Variants in CRPPA observed in about 807,000 individuals in gnomAD.
The protein encoded by CRPPA is D-ribitol-5-phosphate cytidylyltransferase.
A neutral mutation model predicts 52.0 loss-of-function variants in CRPPA; 43 were observed. That is an observed-to-expected ratio of 0.83 (90% CI 0.65 to 1.07). The LOEUF (loss-of-function observed/expected upper bound fraction) is 1.07. Ranked by LOEUF, CRPPA falls within the 50% of genes least tolerant of loss-of-function variation. The pLI, the probability that CRPPA is intolerant of heterozygous loss-of-function variation, is 0.00. For synonymous variants in CRPPA, 250 were observed against 203.5 expected (o/e 1.23, Z -1.94); for missense variants, 629 against 551.7 (o/e 1.14, Z -1.40).
chr7:16,173,318 T>G (rs1239790016), intron 9 of CRPPA, among the ~76,000 whole-genome samples: 1 of 152,174 alleles, frequency 6.6e-6, no homozygotes, highest in East Asian at 1.9e-4. Context: ...GTTTTATGTT[T>G]GAGACCTAAA....
intron 3 of CRPPA, among the ~76,000 whole-genome samples, chr7:16,344,202 T>C (rs1433299434): frequency 6.6e-6 from 1 of 151,986 alleles, no homozygotes; most frequent in Non-Finnish European, 1.5e-5. Context: ...CAGAAACATA[T>C]TGCCAATATA....
intron 3 of CRPPA, among the ~76,000 whole-genome samples, chr7:16,351,476 C>G (rs1562648067): frequency 6.6e-6 from 1 of 152,006 alleles, no homozygotes; most frequent in African/African-American, 2.4e-5. Flanking sequence ...AACAGGCAAC[C>G]TACAGAATGG....
chr7:16,386,862 A>G (rs1435528167), intron 2 of CRPPA, among the ~76,000 whole-genome samples: 2 of 151,752 alleles, frequency 1.3e-5, no homozygotes, highest in Non-Finnish European at 1.5e-5. Flanking sequence ...TCTACTAAAA[A>G]TATAAAAATT....
intron 3 of CRPPA, among the ~76,000 whole-genome samples, chr7:16,350,483 A>G (rs1786120121): frequency 6.6e-6 from 1 of 152,182 alleles, no homozygotes; most frequent in Non-Finnish European, 1.5e-5. Context: ...GACATCAAAA[A>G]CATAAAACAT....
At chr7:16,204,675 C>T (rs1781929661) in intron 9 of CRPPA, among the ~76,000 whole-genome samples, 1 of 152,032 alleles carries the variant, frequency 6.6e-6, no homozygotes, top group Non-Finnish European at 1.5e-5. Context: ...ATTTAGCCAC[C>T]ATACCTAAGT....
At chr7:16,216,858 C>A (rs377288742) in intron 8 of CRPPA, among the ~76,000 whole-genome samples, 2 of 151,362 alleles carry the variant, frequency 1.3e-5, no homozygotes, top group Non-Finnish European at 2.9e-5. Context: ...GCAGCGAGGC[C>A]GGGGGAGGGG....
chr7:16,190,743 C>T (rs10227938), intron 9 of CRPPA, among the ~76,000 whole-genome samples: 4,345 of 152,112 alleles, frequency 0.029, 208 homozygotes, highest in African/African-American at 0.099. Flanking sequence ...GCATCCAATG[C>T]GTAGTCTTTT....
intron 9 of CRPPA, among the ~76,000 whole-genome samples, chr7:16,139,758 C>T (rs1416951964): frequency 1.3e-5 from 2 of 152,104 alleles, no homozygotes; most frequent in African/African-American, 4.8e-5. Flanking sequence ...AAATGTGTCT[C>T]TTGAATTACC....
chr7:16,142,851 A>G lies in CRPPA; in HGVS notation c.1252-51052T>C, dbSNP rs572806391. Among the ~76,000 whole-genome samples the G allele has an allele frequency of 2.5e-4, 38 of 152,344 alleles. No individual in the cohort carries two copies. In the South Asian group the frequency reaches 7.9e-3, roughly 32 times the overall value. The stretch of plus-strand genomic sequence containing the variant: ...AATGAATCTCAATGCTAGTTCACCT[A>G]TAACTTACTTTCTTCATGTCCAAAT... On this transcript the variant is annotated intron_variant, in intron 9 of 9. Coordinates refer to ENST00000407010, the MANE Select transcript of CRPPA (RefSeq NM_001101426.4).
intron 1 of CRPPA, among the ~76,000 whole-genome samples, chr7:16,413,461 AC>A (rs1788118375): frequency 6.6e-6 from 1 of 152,218 alleles, no homozygotes; most frequent in African/African-American, 2.4e-5. Flanking sequence ...ATCTAACCAC[AC>A]AACTAAAAGC....
intron 8 of CRPPA, among the ~76,000 whole-genome samples, chr7:16,245,584 C>G (rs1158369088): frequency 6.6e-6 from 1 of 152,146 alleles, no homozygotes. Flanking sequence ...GATACAGATT[C>G]TAGACATAAT....
chr7:16,091,517 C>G lies in CRPPA; in HGVS notation c.*178G>C, dbSNP rs934109160. 1.6e-5 allele frequency: 8 copies of G among 488,760 alleles called. No homozygotes were observed. In the African/African-American group the frequency reaches 1.6e-4, roughly 10 times the overall value. The allele number at this position is 488,760 out of a possible 1,614,324, so 30.3% of individuals were successfully genotyped here. On this transcript the variant is annotated 3_prime_UTR_variant, in exon 10 of 10. Coordinates refer to ENST00000407010, the MANE Select transcript of CRPPA (RefSeq NM_001101426.4). Reference sequence around the variant, plus strand: ...AATATTTGTCATACACAAAAGTATTCTTTATTTCACAGATATAAACATTAA... The same window carrying G: ...AATATTTGTCATACACAAAAGTATTGTTTATTTCACAGATATAAACATTAA...
chr7:16,156,578 G>A (rs1013893986), intron 9 of CRPPA, among the ~76,000 whole-genome samples: 2 of 152,068 alleles, frequency 1.3e-5, no homozygotes, highest in African/African-American at 4.8e-5. Flanking sequence ...CAGAAGATCA[G>A]AGAAAAACTA....
intron 1 of CRPPA, among the ~76,000 whole-genome samples, chr7:16,419,979 T>C (rs1346521887): frequency 1.3e-5 from 2 of 152,202 alleles, no homozygotes; most frequent in Non-Finnish European, 2.9e-5. Flanking sequence ...TTCCCCTGTC[T>C]TGATAAATCC....
intron 3 of CRPPA, among the ~76,000 whole-genome samples, chr7:16,359,129 T>A (rs1786378416): frequency 6.6e-6 from 1 of 152,140 alleles, no homozygotes; most frequent in Non-Finnish European, 1.5e-5. Flanking sequence ...GTTTTTGGTT[T>A]GTGTTTTTTT....
chr7:16,114,640 G>A lies in CRPPA; in HGVS notation c.1252-22841C>T, dbSNP rs189441680. ...GCTTGATTTGGCAGACTTCTCCTGG[G>A]GAAAACACACACACACAACAAGGGA... On this transcript the variant is annotated intron_variant, in intron 9 of 9. Transcript: ENST00000407010. Among the ~76,000 whole-genome samples, 432 of 151,426 alleles carry A rather than the reference G, an allele frequency of 2.9e-3. 3 individuals carry two copies. Among genetic ancestry groups the A allele is most frequent in the Non-Finnish European group, 3.4e-3 (230 of 67,740 alleles).
chr7:16,257,372 G>A (rs550712145), intron 8 of CRPPA, among the ~76,000 whole-genome samples: 1 of 151,936 alleles, frequency 6.6e-6, no homozygotes, highest in Non-Finnish European at 1.5e-5. Context: ...TTCCAACATT[G>A]GATATATTCC....
intron 9 of CRPPA, among the ~76,000 whole-genome samples, chr7:16,209,595 T>C (rs1782076891): frequency 6.6e-6 from 1 of 152,122 alleles, no homozygotes; most frequent in African/African-American, 2.4e-5. Context: ...TTTGTTTTAT[T>C]ATGAATAAAA....
chr7:16,158,894 T>C (rs1182718127), intron 9 of CRPPA, among the ~76,000 whole-genome samples: 2 of 152,218 alleles, frequency 1.3e-5, no homozygotes, highest in African/African-American at 2.4e-5. Context: ...TCATTGCTAA[T>C]AGAATCCAAG....
Sources: gnomAD v4.1 joint callset for allele counts (sites outside exome capture counted in the v4.1 genomes callset) on GRCh38, gnomAD v4.1.1 for gene constraint, MANE v1.5 for transcripts, NCBI Gene and HGNC (gene_info 2026-07-23, HGNC 2026-07-21) for gene names.